ZNF782: variants seen among roughly 807,000 people sequenced by gnomAD.
The protein encoded by ZNF782 is zinc finger protein 782.
Under a neutral mutation model 13.0 loss-of-function variants are expected in ZNF782, and 12 were observed. The ratio of observed to expected loss-of-function variants is 0.92; its 90% CI spans 0.59 to 1.50. ZNF782 has a LOEUF of 1.50. Ranked by LOEUF, ZNF782 falls within the 40% of genes most tolerant of loss-of-function variation. The pLI is 0.00. For missense variants in ZNF782, 770 were observed against 822.9 expected (o/e 0.94, Z 0.79); for synonymous variants, 284 against 283.0 (o/e 1.00, Z -0.04).
chr9:96,920,304 T>C, the ZNF782 span, among the ~76,000 whole-genome samples: 20 of 148,982 alleles, frequency 1.3e-4, no homozygotes, highest in East Asian at 3.7e-3. Context: ...TCTCCCTCTG[T>C]TGCCCAGGCT....
the ZNF782 span, among the ~76,000 whole-genome samples, chr9:96,933,127 G>A: frequency 8.2e-4 from 123 of 150,820 alleles, no homozygotes; most frequent in South Asian, 6.5e-3. Flanking sequence ...ACAGGTGCCC[G>A]CCACCATGCC....
At chr9:96,882,919 C>CGGATAA in the ZNF782 span, among the ~76,000 whole-genome samples, 2,135 of 152,182 alleles carry the variant, frequency 0.014, 31 homozygotes, top group Non-Finnish European at 0.019. Flanking sequence ...CGAGAATTCT[C>CGGATAA]TCTTTGATTT....
intron 1 of ZNF782, among the ~76,000 whole-genome samples, chr9:96,875,184 C>T (rs1003647614): frequency 6.6e-6 from 1 of 152,208 alleles, no homozygotes; most frequent in East Asian, 1.9e-4. Flanking sequence ...CACTGTTCCT[C>T]CAACCTGAAC....
the ZNF782 span, chr9:96,894,745 T>G: frequency 6.6e-6 from 1 of 152,188 alleles, no homozygotes; most frequent in Non-Finnish European, 1.5e-5. Flanking sequence ...TATTATTTTT[T>G]AGAGTCAGGG....
intron 4 of ZNF782, among the ~76,000 whole-genome samples, chr9:96,841,789 T>C (rs1239814560): frequency 5.3e-5 from 8 of 151,856 alleles, no homozygotes; most frequent in Non-Finnish European, 7.4e-5. Context: ...CCCCTTAAGG[T>C]TGGGAACAAG....
chr9:96,819,683 C>T lies in ZNF782; in HGVS notation c.340G>A (p.Glu114Lys). The change falls in exon 6 of 6, where the codon GAG becomes AAG. Residue 114 changes from glutamate to lysine, a missense_variant. Coordinates refer to ENST00000481138, the MANE Select transcript of ZNF782 (RefSeq NM_001001662.3). ...VLFTNKLLTT[E>K]QEISGKPHNR... The stretch of plus-strand genomic sequence containing the variant: ...TGTGGTTTTCCTGAAATTTCTTGCT[C>T]TGTAGTCAATAATTTATTGGTGAAT... 1 of 1,613,816 alleles carries T rather than the reference C, an allele frequency of 6.2e-7. No individual in the cohort carries two copies.
intron 3 of ZNF782, among the ~76,000 whole-genome samples, chr9:96,847,590 A>G (rs1337393902): frequency 6.6e-6 from 1 of 152,212 alleles, no homozygotes; most frequent in East Asian, 1.9e-4. Flanking sequence ...TCTTGCAAAC[A>G]TACAACACTC....
chr9:96,865,614 T>A (rs1017664834), intron 1 of ZNF782, among the ~76,000 whole-genome samples: 3 of 152,180 alleles, frequency 2.0e-5, no homozygotes, highest in African/African-American at 7.2e-5. Context: ...AGTGGGGTGC[T>A]ACTGAAAAGA....
intron 4 of ZNF782, among the ~76,000 whole-genome samples, chr9:96,830,001 C>T (rs551753595): frequency 5.9e-5 from 9 of 152,190 alleles, no homozygotes; most frequent in Admixed American, 2.0e-4. Flanking sequence ...ATGAGTTCCC[C>T]GCACTTCTCT....
upstream of ZNF782, among the ~76,000 whole-genome samples, chr9:96,856,071 C>T (rs1030690956): frequency 8.3e-4 from 127 of 152,134 alleles, no homozygotes; most frequent in African/African-American, 2.9e-3. Context: ...ATGTCCTTAG[C>T]CCACTTTTTG....
the ZNF782 span, among the ~76,000 whole-genome samples, chr9:96,916,523 G>A: frequency 1.3e-5 from 2 of 151,902 alleles, no homozygotes; most frequent in African/African-American, 4.8e-5. Flanking sequence ...TCTGATATCC[G>A]GAACGCCTTC....
chr9:96,900,023 T>C, the ZNF782 span, among the ~76,000 whole-genome samples: 1 of 152,068 alleles, frequency 6.6e-6, no homozygotes, highest in African/African-American at 2.4e-5. Context: ...GGTCTCAAAC[T>C]CCTGGGCTTA....
intron 5 of ZNF782, among the ~76,000 whole-genome samples, chr9:96,826,728 G>A (rs1395568433): frequency 6.6e-6 from 1 of 152,102 alleles, no homozygotes; most frequent in Non-Finnish European, 1.5e-5. Flanking sequence ...ATATGATAGG[G>A]AACACCAGTT....
At chr9:96,912,602 C>T in the ZNF782 span, among the ~76,000 whole-genome samples, 1 of 151,708 alleles carries the variant, frequency 6.6e-6, no homozygotes, top group African/African-American at 2.4e-5. Context: ...GATCTTGGCT[C>T]ACTGCAACCT....
chr9:96,899,169 T>G, the ZNF782 span, among the ~76,000 whole-genome samples: 1 of 151,396 alleles, frequency 6.6e-6, no homozygotes, highest in Non-Finnish European at 1.5e-5. Flanking sequence ...TTCATCCATG[T>G]GCCAAAATTT....
At chr9:96,890,895 T>A in the ZNF782 span, 8 of 152,170 alleles carry the variant, frequency 5.3e-5, no homozygotes, top group Non-Finnish European at 1.2e-4. Flanking sequence ...GTGCATCAAC[T>A]GATGAATGGA....
intron 3 of ZNF782, among the ~76,000 whole-genome samples, chr9:96,859,575 A>G (rs1487485709): frequency 1.3e-5 from 2 of 152,136 alleles, no homozygotes; most frequent in South Asian, 4.1e-4. Context: ...ATTCTTCACT[A>G]TCTGACTAAA....
At chr9:96,920,757 T>C in the ZNF782 span, among the ~76,000 whole-genome samples, 1 of 148,790 alleles carries the variant, frequency 6.7e-6, no homozygotes. Flanking sequence ...CTACTAAAAA[T>C]ACAAAAATTA....
rs1850293062 is a variant in ZNF782 at position 96,818,863 on chromosome 9, C to T, written c.1160G>A (p.Ser387Asn). Residue 387 changes from serine to asparagine, a missense_variant, in exon 6 of 6, where the codon AGT becomes AAT. Transcript: ENST00000481138. ...MNSHLIWPQK[S>N]HTGEKPYECP... ...TTCATAGGGTTTCTCCCCTGTGTGA[C>T]TTTTCTGAGGCCAAATCAAGTGTGA... The T allele has an allele frequency of 6.2e-7, 1 of 1,614,058 alleles. No individual in the cohort carries two copies. The highest frequency in any genetic ancestry group is 1.1e-5 in the South Asian group (1 of 91,078).
Sources: allele counts gnomAD v4.1 joint callset (sites outside exome capture counted in the v4.1 genomes callset), GRCh38; gene constraint gnomAD v4.1.1; transcripts MANE v1.5; gene names NCBI Gene and HGNC (gene_info 2026-07-23, HGNC 2026-07-21).